The following BMERB1 variants were observed in gnomAD, a reference collection of about 807,000 sequenced individuals.
BMERB1 encodes the protein bMERB domain-containing protein 1.
A neutral mutation model predicts 23.6 loss-of-function variants in BMERB1; 12 were observed. That is an observed-to-expected ratio of 0.51 (90% CI 0.33 to 0.82). The LOEUF (loss-of-function observed/expected upper bound fraction) is 0.82, where lower values mean the gene tolerates loss of function less well. Ranked by LOEUF, BMERB1 falls within the 40% of genes least tolerant of loss-of-function variation. The probability of loss-of-function intolerance (pLI) is 0.03; values close to 1 mark genes in which losing one functional copy is unlikely to be tolerated. For synonymous variants in BMERB1, 122 were observed against 96.6 expected, an observed-to-expected ratio of 1.26 and a Z score of -1.54; for missense variants, 247 against 255.4, an observed-to-expected ratio of 0.97 and a Z score of 0.22.
chr16:15,552,647 C>G (rs1292123608), intron 2 of BMERB1, among the ~76,000 whole-genome samples: 1 of 152,220 alleles, frequency 6.6e-6, no homozygotes, highest in Non-Finnish European at 1.5e-5. Flanking sequence ...AAAACAAGCT[C>G]TGGTCTCAGT....
At chr16:15,449,774 G>A (rs1156551010) in intron 1 of BMERB1, among the ~76,000 whole-genome samples, 1 of 151,866 alleles carries the variant, frequency 6.6e-6, no homozygotes, top group Non-Finnish European at 1.5e-5. Flanking sequence ...TCGAACTCCT[G>A]ACTTCAGGTG....
At chr16:15,514,346 C>G (rs757913646) in intron 1 of BMERB1, among the ~76,000 whole-genome samples, 1 of 152,112 alleles carries the variant, frequency 6.6e-6, no homozygotes, top group East Asian at 1.9e-4. Flanking sequence ...TTTCTTCTGC[C>G]TAGAGTCGGC....
chr16:15,465,353 A>AT (rs4012914), intron 1 of BMERB1, among the ~76,000 whole-genome samples: 39 of 133,466 alleles, frequency 2.9e-4, no homozygotes, highest in East Asian at 6.5e-4. Context: ...TAAGATATAT[A>AT]TTTTTTTTTT....
chr16:15,557,731 A>G (rs1299416056), intron 2 of BMERB1, among the ~76,000 whole-genome samples: 1 of 152,184 alleles, frequency 6.6e-6, no homozygotes, highest in African/African-American at 2.4e-5. Context: ...TGTTCACACT[A>G]CTTAAGTCAT....
At chr16:15,573,807 T>C (rs946427267) in intron 3 of BMERB1, among the ~76,000 whole-genome samples, 1 of 150,912 alleles carries the variant, frequency 6.6e-6, no homozygotes, top group African/African-American at 2.4e-5. Context: ...TTTCATTGAC[T>C]CACAGTTCGG....
At chr16:15,518,367 A>C (rs539631916) in intron 2 of BMERB1, among the ~76,000 whole-genome samples, 1 of 152,296 alleles carries the variant, frequency 6.6e-6, no homozygotes, top group South Asian at 2.1e-4. Context: ...ATGGAGTCCT[A>C]CAGACAGTAT....
intron 2 of BMERB1, among the ~76,000 whole-genome samples, chr16:15,531,354 A>G (rs1598499371): frequency 6.6e-6 from 1 of 152,222 alleles, no homozygotes; most frequent in Middle Eastern, 3.4e-3. Context: ...TAGGCCTCCT[A>G]AAGTCCTAGG....
chr16:15,510,762 T>TA (rs2051654509), intron 1 of BMERB1, among the ~76,000 whole-genome samples: 1 of 151,528 alleles, frequency 6.6e-6, no homozygotes, highest in Non-Finnish European at 1.5e-5. Context: ...AGTGTAGTGG[T>TA]ATGATCTCGG....
intron 1 of BMERB1, among the ~76,000 whole-genome samples, chr16:15,509,335 T>TGGGGGGGGGGGGGGGGGGGGGGGGGGGGG: frequency 2.4e-5 from 1 of 42,088 alleles, no homozygotes; most frequent in Non-Finnish European, 4.6e-5. Context: ...GGAAGGGGGG[T>TGGGGGGGGGGGGGGGGGGGGGGGGGGGGG]GGGGGGGGAG....
At chr16:15,438,361 A>T (rs1392997038) in intron 1 of BMERB1, among the ~76,000 whole-genome samples, 3 of 151,836 alleles carry the variant, frequency 2.0e-5, no homozygotes, top group Non-Finnish European at 4.4e-5. Flanking sequence ...TGCTGGGATT[A>T]CAGGCATGAG....
rs755635266 is a variant in BMERB1, at chr16:15,586,733, G to T, written c.519G>T (p.Lys173Asn). 5 of 1,611,218 alleles carry T rather than the reference G, an allele frequency of 3.1e-6. No homozygotes were observed. The highest frequency in any genetic ancestry group is 2.2e-5 in the South Asian group (2 of 90,180). The change falls in exon 6 of 6, where the codon AAG becomes AAT. Residue 173 changes from lysine to asparagine, a missense_variant. Lys to Asn is a moderately conservative substitution (Grantham distance 94). Transcript: ENST00000300006. ...TKSPASSRAE[K>N]KAEPPPSKPT... ...TTGCTGCAGGCTCCCGGGCAGAGAA[G>T]AAAGCAGAGCCCCCACCTAGCAAGC...
At chr16:15,513,749 C>T (rs2051705708) in intron 1 of BMERB1, among the ~76,000 whole-genome samples, 1 of 151,928 alleles carries the variant, frequency 6.6e-6, no homozygotes, top group Non-Finnish European at 1.5e-5. Flanking sequence ...CAAAAATTAG[C>T]CGGGTGTCGT....
At chr16:15,463,318 T>C (rs1215581491) in intron 1 of BMERB1, among the ~76,000 whole-genome samples, 1 of 152,008 alleles carries the variant, frequency 6.6e-6, no homozygotes, top group Admixed American at 6.5e-5. Context: ...GGTCTTGAAC[T>C]CTTGGTCCCA....
intron 2 of BMERB1, among the ~76,000 whole-genome samples, chr16:15,536,371 C>T (rs1411653498): frequency 6.6e-6 from 1 of 152,150 alleles, no homozygotes; most frequent in Non-Finnish European, 1.5e-5. Context: ...CCTGTTTCCC[C>T]TCTGCCACTC....
intron 2 of BMERB1, among the ~76,000 whole-genome samples, chr16:15,547,121 T>G (rs1463239976): frequency 6.6e-6 from 1 of 151,316 alleles, no homozygotes; most frequent in Non-Finnish European, 1.5e-5. Context: ...CAAGCGATTC[T>G]CCTGCCTCAG....
intron 2 of BMERB1, among the ~76,000 whole-genome samples, chr16:15,532,544 C>CTTTTTTTT (rs58964968): frequency 4.5e-4 from 41 of 91,852 alleles, no homozygotes; most frequent in Non-Finnish European, 5.7e-4. Flanking sequence ...TTTTCTTTTT[C>CTTTTTTTT]TTTTTTTTTT....
chr16:15,455,423 A>G (rs762288570), intron 1 of BMERB1, among the ~76,000 whole-genome samples: 8 of 151,492 alleles, frequency 5.3e-5, no homozygotes, highest in Non-Finnish European at 1.2e-4. Flanking sequence ...GCCTGGGACT[A>G]TCCTATTTTT....
chr16:15,576,956 A>G (rs758052896), intron 3 of BMERB1, among the ~76,000 whole-genome samples: 10 of 152,156 alleles, frequency 6.6e-5, no homozygotes, highest in Non-Finnish European at 1.5e-4. Context: ...ACTGCACCAA[A>G]TTTTATAGAC....
intron 1 of BMERB1, among the ~76,000 whole-genome samples, chr16:15,460,854 C>T (rs955139264): frequency 1.3e-5 from 2 of 152,230 alleles, no homozygotes; most frequent in East Asian, 1.9e-4. Flanking sequence ...GCAGGCTGGG[C>T]GCAGTGGCTC....
Sources: allele counts gnomAD v4.1 joint callset (sites outside exome capture counted in the v4.1 genomes callset), GRCh38; gene constraint gnomAD v4.1.1; transcripts MANE v1.5; gene names NCBI Gene and HGNC (gene_info 2026-07-23, HGNC 2026-07-21).